Variants in NRXN1 observed in about 807,000 individuals in gnomAD.
NRXN1 encodes neurexin 1.
A neutral mutation model predicts 150.9 loss-of-function variants in NRXN1; 39 were observed. The ratio of observed to expected loss-of-function variants is 0.26; its 90% CI spans 0.20 to 0.34. The LOEUF is 0.34. Among genes scored for constraint, NRXN1 ranks in the 10% least tolerant of loss-of-function variants. The pLI is 1.00. For missense variants in NRXN1, 1,815 were observed against 1,949.9 expected (o/e 0.93, Z 1.30); for synonymous variants, 924 against 757.0 (o/e 1.22, Z -3.62).
At chr2:50,266,289 A>G (rs1473999363) in intron 17 of NRXN1, among the ~76,000 whole-genome samples, 2 of 149,300 alleles carry the variant, frequency 1.3e-5, no homozygotes, top group East Asian at 3.9e-4. Context: ...GTGAGCCACC[A>G]CTCCTGGCTG....
intron 5 of NRXN1, among the ~76,000 whole-genome samples, chr2:50,742,917 C>T (rs1370322338): frequency 6.6e-6 from 1 of 152,044 alleles, no homozygotes; most frequent in Non-Finnish European, 1.5e-5. Context: ...TAGATAGACC[C>T]AAAATCATCC....
chr2:50,173,222 T>C (rs922606884), intron 18 of NRXN1, among the ~76,000 whole-genome samples: 1 of 152,158 alleles, frequency 6.6e-6, no homozygotes, highest in African/African-American at 2.4e-5. Context: ...CAGAAAAGAT[T>C]TGAAACTCAT....
chr2:50,554,600 G>A (rs972487226), intron 8 of NRXN1: 1 of 152,234 alleles, frequency 6.6e-6, no homozygotes, highest in East Asian at 1.9e-4. Context: ...CACATTGTAA[G>A]ATTTCAATAA....
intron 21 of NRXN1, among the ~76,000 whole-genome samples, chr2:49,948,594 T>G (rs1250654641): frequency 6.6e-6 from 1 of 151,956 alleles, no homozygotes; most frequent in Non-Finnish European, 1.5e-5. Flanking sequence ...AATCAGGAAG[T>G]GGCTCAAGTG....
intron 5 of NRXN1, among the ~76,000 whole-genome samples, chr2:50,676,515 G>A (rs1319463695): frequency 1.3e-5 from 2 of 152,066 alleles, no homozygotes; most frequent in Non-Finnish European, 2.9e-5. Flanking sequence ...TTCTCTTGGA[G>A]GCTCAATTTT....
At chr2:50,963,938 C>T (rs1281825258) in intron 2 of NRXN1, 1 of 426,640 alleles carries the variant, frequency 2.3e-6, no homozygotes. Flanking sequence ...GGCATCAGTC[C>T]AGTTTAATTT....
intron 5 of NRXN1, among the ~76,000 whole-genome samples, chr2:50,720,097 T>C (rs150394155): frequency 3.9e-5 from 6 of 152,362 alleles, no homozygotes; most frequent in African/African-American, 1.2e-4. Context: ...GTTTGGCTCA[T>C]GCCTTTGCTG....
chr2:50,619,142 C>G (rs573362271), intron 8 of NRXN1: 35 of 152,212 alleles, frequency 2.3e-4, no homozygotes, highest in Admixed American at 9.2e-4. Context: ...AAACCAAGTA[C>G]ATCACTGCTT....
At chr2:50,683,569 G>A (rs1690740033) in intron 5 of NRXN1, among the ~76,000 whole-genome samples, 1 of 137,574 alleles carries the variant, frequency 7.3e-6, no homozygotes, top group Admixed American at 7.6e-5. Flanking sequence ...GAGGCAGACT[G>A]TGCAGTGAAC....
chr2:50,016,989 T>A (rs1411166457), intron 21 of NRXN1, among the ~76,000 whole-genome samples: 1 of 152,128 alleles, frequency 6.6e-6, no homozygotes, highest in Non-Finnish European at 1.5e-5. Context: ...CCATCCATCC[T>A]GCCACCTCAC....
chr2:50,976,703 T>C (rs1282477463), intron 2 of NRXN1, among the ~76,000 whole-genome samples: 1 of 151,786 alleles, frequency 6.6e-6, no homozygotes, highest in Non-Finnish European at 1.5e-5. Flanking sequence ...TTCAGTAAGA[T>C]GAAAATTGAG....
At chr2:50,459,555 A>G (rs578099538) in intron 17 of NRXN1, among the ~76,000 whole-genome samples, 11 of 152,270 alleles carry the variant, frequency 7.2e-5, no homozygotes, top group African/African-American at 2.6e-4. Context: ...AAATGGGAAC[A>G]TGTGGTATTT....
In NRXN1 at chr2:50,373,626, AAAAGAAAGAAAGAAAGAAAG is replaced by A. The variant is rs202127677; in HGVS notation, c.3364+91796_3364+91815del. Reference sequence around the variant, plus strand: ...GAGAAAGAAAGAGAGAGAGAGAAAGAAAAGAAAGAAAGAAAGAAAGAAAGAAAGAAAGAAAGAAAGAAAGA... The same window carrying A: ...GAGAAAGAAAGAGAGAGAGAGAAAGAAAAGAAAGAAAGAAAGAAAGAAAGA... On this transcript the variant is annotated intron_variant, in intron 17 of 22. Transcript: ENST00000401669. 5.7e-3 allele frequency among the ~76,000 whole-genome samples: 558 copies of A among 98,576 alleles called. 9 individuals are homozygous for A. Among genetic ancestry groups the A allele is most frequent in the African/African-American group, 0.02 (461 of 22,686 alleles). The allele number at this position is 98,576 out of a possible 152,430, so 64.7% of individuals were successfully genotyped here.
intron 13 of NRXN1, among the ~76,000 whole-genome samples, chr2:50,505,635 C>G (rs1031940891): frequency 4.6e-5 from 7 of 152,084 alleles, no homozygotes; most frequent in African/African-American, 1.7e-4. Context: ...TTTTTACCTT[C>G]CTTTCCTAAG....
chr2:49,958,069 C>T (rs1345186621), intron 21 of NRXN1, among the ~76,000 whole-genome samples: 1 of 152,130 alleles, frequency 6.6e-6, no homozygotes, highest in Non-Finnish European at 1.5e-5. Flanking sequence ...CTGGAGAGCA[C>T]TCAGTGGCTG....
At chr2:50,129,292 A>T (rs1264728024) in intron 18 of NRXN1, among the ~76,000 whole-genome samples, 2 of 152,192 alleles carry the variant, frequency 1.3e-5, no homozygotes, top group South Asian at 2.1e-4. Context: ...GATTAAAATA[A>T]TAATTGGATA....
chr2:50,490,311 G>A (rs975973201), intron 15 of NRXN1, among the ~76,000 whole-genome samples: 79 of 152,068 alleles, frequency 5.2e-4, no homozygotes, highest in Admixed American at 1.3e-4. Context: ...CTGGCATGGC[G>A]TTCAGGGCCC....
At chr2:50,355,341 T>G (rs2078718495) in intron 17 of NRXN1, among the ~76,000 whole-genome samples, 1 of 151,106 alleles carries the variant, frequency 6.6e-6, no homozygotes. Flanking sequence ...TATTCTGATG[T>G]CAATACTATA....
chr2:50,914,550 C>T (rs1362902502), intron 5 of NRXN1, among the ~76,000 whole-genome samples: 1 of 151,454 alleles, frequency 6.6e-6, no homozygotes, highest in African/African-American at 2.4e-5. Context: ...GAAAAGAAAC[C>T]TTTGACCATC....
Sources: allele counts gnomAD v4.1 joint callset (sites outside exome capture counted in the v4.1 genomes callset), GRCh38; gene constraint gnomAD v4.1.1; transcripts MANE v1.5; gene names NCBI Gene and HGNC (gene_info 2026-07-23, HGNC 2026-07-21).